The following MEI4 variants were observed in gnomAD, a reference collection of about 807,000 sequenced individuals.
MEI4 encodes meiotic double-stranded break formation protein 4, also known as meiosis-specific protein MEI4.
MEI4 carries 27 observed loss-of-function variants against 31.4 expected under a neutral mutation model. That is an observed-to-expected ratio of 0.86 (90% CI 0.63 to 1.19). MEI4 has a LOEUF of 1.19. Among genes scored for constraint, MEI4 ranks in the 50% most tolerant of loss-of-function variants. The pLI, the probability that MEI4 is intolerant of heterozygous loss-of-function variation, is 0.00. For missense variants in MEI4, 329 were observed against 398.9 expected, an observed-to-expected ratio of 0.82 and a Z score of 1.49; for synonymous variants, 122 against 145.4, an observed-to-expected ratio of 0.84 and a Z score of 1.16.
At chr6:77,655,473 T>C (rs575490459) in intron 1 of MEI4, among the ~76,000 whole-genome samples, 4 of 152,320 alleles carry the variant, frequency 2.6e-5, no homozygotes, top group African/African-American at 9.6e-5. Context: ...TGGGAGAATA[T>C]AATCTTAATC....
At chr6:77,886,113 AGTTTTCTTTTTTTAATT>A (rs1396425284) in intron 4 of MEI4, among the ~76,000 whole-genome samples, 1 of 151,884 alleles carries the variant, frequency 6.6e-6, no homozygotes, top group Non-Finnish European at 1.5e-5. Flanking sequence ...ATTGGCCTGT[AGTTTTCTTTTTTTAATT>A]GTTCCCTTAT....
At chr6:77,733,895 C>T (rs1031359803) in intron 2 of MEI4, among the ~76,000 whole-genome samples, 1 of 152,032 alleles carries the variant, frequency 6.6e-6, no homozygotes, top group Non-Finnish European at 1.5e-5. Flanking sequence ...ACCCAGTAGT[C>T]ATTCAGGAGC....
In MEI4 at chr6:77,817,288, A is replaced by T. The variant is rs143053214; in HGVS notation, c.769-11643A>T. Among the ~76,000 whole-genome samples the T allele has an allele frequency of 1.4e-3, 213 of 152,268 alleles. 1 individual carries two copies. Among genetic ancestry groups the T allele is most frequent in the African/African-American group, 4.5e-3 (187 of 41,566 alleles). ...CGTGCATACTTGCTGTTTCACAAGC[A>T]TGCATGGTACTGTGAGGATAGGGAT... On this transcript the variant is annotated intron_variant, in intron 3 of 4. Transcript: ENST00000684080.
intron 2 of MEI4, among the ~76,000 whole-genome samples, chr6:77,742,355 AT>A (rs1381719025): frequency 1.3e-5 from 2 of 151,602 alleles, no homozygotes; most frequent in African/African-American, 4.9e-5. Context: ...TTTGATTTGC[AT>A]TTCTCTGATG....
chr6:77,920,858 C>T (rs564109534), intron 4 of MEI4, among the ~76,000 whole-genome samples: 3 of 151,986 alleles, frequency 2.0e-5, no homozygotes, highest in Non-Finnish European at 4.4e-5. Flanking sequence ...AGCTGTAAGT[C>T]TCAACAGTAG....
rs1008039180 is a variant in MEI4 at position 77,820,638 on chromosome 6, G to T, written c.769-8293G>T. On this transcript the variant is annotated intron_variant, in intron 3 of 4. Coordinates refer to ENST00000684080, the MANE Select transcript of MEI4 (RefSeq NM_001322247.2). The surrounding 1 kb of genome is among the most constrained non-coding windows in gnomAD (Gnocchi z 4.5). ...TGACTCATATTCATACATTGAAAAC[G>T]TCTTATTTTCTCTTTGTTCTTGAAG... Among the ~76,000 whole-genome samples the T allele has an allele frequency of 6.6e-6, 1 of 151,836 alleles. No homozygotes were observed. The highest frequency in any genetic ancestry group is 1.5e-5 in the Non-Finnish European group (1 of 67,986).
chr6:77,791,009 A>G (rs983081449), intron 3 of MEI4, among the ~76,000 whole-genome samples: 1 of 152,050 alleles, frequency 6.6e-6, no homozygotes, highest in African/African-American at 2.4e-5. Flanking sequence ...TTAGAATGGC[A>G]ATCATTAAAA....
intron 4 of MEI4, among the ~76,000 whole-genome samples, chr6:77,880,898 A>G (rs1362334558): frequency 2.0e-5 from 3 of 152,072 alleles, no homozygotes; most frequent in Non-Finnish European, 4.4e-5. Flanking sequence ...AAAAAAAAAA[A>G]TTAGGTTCTA....
chr6:77,676,025 G>C (rs553214853), intron 1 of MEI4, among the ~76,000 whole-genome samples: 1 of 152,276 alleles, frequency 6.6e-6, no homozygotes, highest in African/African-American at 2.4e-5. Context: ...AGCCAGGCCA[G>C]ATAGAACTTG....
At chr6:77,695,291 G>T (rs1418456403) in intron 2 of MEI4, among the ~76,000 whole-genome samples, 74 of 152,006 alleles carry the variant, frequency 4.9e-4, no homozygotes, top group Admixed American at 8.5e-4. Context: ...GTCAATTTTG[G>T]CTTTTGTTGC....
chr6:77,844,026 C>T (rs951667588), intron 4 of MEI4, among the ~76,000 whole-genome samples: 2 of 151,958 alleles, frequency 1.3e-5, no homozygotes, highest in African/African-American at 4.8e-5. Flanking sequence ...GTATTTTTAT[C>T]CCTAAGGAGT....
At chr6:77,767,620 C>T (rs1768208329) in intron 3 of MEI4, among the ~76,000 whole-genome samples, 1 of 151,694 alleles carries the variant, frequency 6.6e-6, no homozygotes, top group African/African-American at 2.4e-5. Flanking sequence ...TTGCTTGAGC[C>T]CAGGAGGCAG....
chr6:77,777,201 G>A (rs1429081238), intron 3 of MEI4, among the ~76,000 whole-genome samples: 9 of 152,134 alleles, frequency 5.9e-5, no homozygotes, highest in Non-Finnish European at 7.4e-5. Context: ...ACTATTGGAA[G>A]TTAGAAAGGA....
At chr6:77,891,090 A>G (rs1771756153) in intron 4 of MEI4, among the ~76,000 whole-genome samples, 1 of 152,140 alleles carries the variant, frequency 6.6e-6, no homozygotes, top group South Asian at 2.1e-4. Flanking sequence ...TTTACTTTTG[A>G]CAGTTTTACT....
At chr6:77,705,387 T>C (rs2127657979) in intron 2 of MEI4, among the ~76,000 whole-genome samples, 1 of 152,344 alleles carries the variant, frequency 6.6e-6, no homozygotes, top group Admixed American at 6.5e-5. Flanking sequence ...TAACATGTTG[T>C]AGGCAATAAG....
At chr6:77,753,847 A>C (rs931274947) in intron 2 of MEI4, among the ~76,000 whole-genome samples, 2 of 152,218 alleles carry the variant, frequency 1.3e-5, no homozygotes, top group African/African-American at 4.8e-5. Flanking sequence ...ACTTGGAACC[A>C]ACCCAAATAC....
intron 4 of MEI4, among the ~76,000 whole-genome samples, chr6:77,882,193 G>A (rs1771504660): frequency 6.6e-6 from 1 of 152,170 alleles, no homozygotes; most frequent in South Asian, 2.1e-4. Flanking sequence ...AGGTCTGGAA[G>A]AGTCCTGAAC....
At chr6:77,679,473 A>ATACTGTATAGCCTAGG (rs1768911489) in intron 1 of MEI4, among the ~76,000 whole-genome samples, 1 of 6,394 alleles carries the variant, frequency 1.6e-4, no homozygotes, top group Non-Finnish European at 2.6e-4. Context: ...GGAGCAATAG[A>ATACTGTATAGCCTAGG]TGTAGATTTG....
chr6:77,820,829 C>T lies in MEI4; in HGVS notation c.769-8102C>T, dbSNP rs962148969. Among the ~76,000 whole-genome samples, 2 of 151,604 alleles carry T rather than the reference C, an allele frequency of 1.3e-5. No homozygotes were observed. Among genetic ancestry groups the T allele is most frequent in the Admixed American group, 6.6e-5 (1 of 15,172 alleles). ...ATTATACTTCTTTCCTCTGTGAATTCTTGTTGTTTCTTAGGCCTAAAAAAC... is the reference window on the plus strand; with the variant it reads ...ATTATACTTCTTTCCTCTGTGAATTTTTGTTGTTTCTTAGGCCTAAAAAAC... On this transcript the variant is annotated intron_variant, in intron 3 of 4. Coordinates refer to ENST00000684080, the MANE Select transcript of MEI4 (RefSeq NM_001322247.2). The surrounding 1 kb of genome is among the most constrained non-coding windows in gnomAD (Gnocchi z 4.5).
Sources: gnomAD v4.1 joint callset for allele counts (sites outside exome capture counted in the v4.1 genomes callset) on GRCh38, gnomAD v4.1.1 for gene constraint, Gnocchi (gnomAD v3.1) non-coding constraint, MANE v1.5 for transcripts, NCBI Gene and HGNC (gene_info 2026-07-23, HGNC 2026-07-21) for gene names.